Variants in MAP3K20 observed in about 807,000 individuals in gnomAD.
MAP3K20 encodes mitogen-activated protein kinase kinase kinase 20.
In MAP3K20, 40 loss-of-function variants were observed where a neutral mutation model predicts 85.7. The observed-to-expected ratio is 0.47, with a 90% confidence interval of 0.36 to 0.61. The LOEUF (loss-of-function observed/expected upper bound fraction) is 0.61, where lower values mean the gene tolerates loss of function less well. Ranked by LOEUF, MAP3K20 falls within the 20% of genes least tolerant of loss-of-function variation. The pLI is 0.00. For synonymous variants in MAP3K20, 325 were observed against 327.7 expected (o/e 0.99, Z 0.09); for missense variants, 817 against 961.7 (o/e 0.85, Z 1.99).
intron 14 of MAP3K20, 104 bp from the exon 15 acceptor site, chr2:173,238,269 T>G: frequency 1.1e-6 from 1 of 947,986 alleles, no homozygotes; most frequent in Non-Finnish European, 1.6e-6. Context: ...CCAAGATATT[T>G]TATGAACTAG....
At chr2:173,146,382 ATATG>A (rs1264310390) in intron 2 of MAP3K20, among the ~76,000 whole-genome samples, 2 of 152,166 alleles carry the variant, frequency 1.3e-5, no homozygotes, top group Non-Finnish European at 2.9e-5. Flanking sequence ...TTTTATTCAT[ATATG>A]TAATACTGAA....
chr2:173,083,100 C>G (rs1305459893), intron 1 of MAP3K20, among the ~76,000 whole-genome samples: 8 of 152,188 alleles, frequency 5.3e-5, no homozygotes, highest in Non-Finnish European at 2.9e-5. Flanking sequence ...TAGAGAGTTA[C>G]ATTACTTTTA....
chr2:173,099,294 G>C (rs1308566402), intron 2 of MAP3K20, among the ~76,000 whole-genome samples: 1 of 132,160 alleles, frequency 7.6e-6, no homozygotes, highest in African/African-American at 3.1e-5. Context: ...CCTTCCTTCT[G>C]TTGTTTTTGT....
chr2:173,109,053 T>C (rs1418176684), intron 2 of MAP3K20, among the ~76,000 whole-genome samples: 1 of 152,236 alleles, frequency 6.6e-6, no homozygotes, highest in Non-Finnish European at 1.5e-5. Context: ...TCTCCTAGAA[T>C]GTCATTGATG....
At chr2:173,076,055 G>A (rs1271427443) in intron 1 of MAP3K20, 53 bp downstream of exon 1, 14 of 976,950 alleles carry the variant, frequency 1.4e-5, no homozygotes, top group African/African-American at 1.8e-5. Context: ...GGCGAGGCCC[G>A]CCGCGCTCGC....
At chr2:173,172,723 A>G (rs1262356882) in intron 3 of MAP3K20, among the ~76,000 whole-genome samples, 4 of 152,152 alleles carry the variant, frequency 2.6e-5, no homozygotes, top group Admixed American at 6.5e-5. Flanking sequence ...TCCCAGATCT[A>G]CAAAGAAATG....
intron 16 of MAP3K20, among the ~76,000 whole-genome samples, chr2:173,247,888 C>T (rs1438392067): frequency 6.6e-6 from 1 of 152,032 alleles, no homozygotes; most frequent in East Asian, 1.9e-4. Context: ...TTTACTGGGG[C>T]CTATGCTCAA....
At chr2:173,128,921 C>CTTTTT (rs386391866) in intron 2 of MAP3K20, among the ~76,000 whole-genome samples, 78 of 116,090 alleles carry the variant, frequency 6.7e-4, no homozygotes, top group Non-Finnish European at 7.8e-4. Flanking sequence ...GAAATCTTTT[C>CTTTTT]TTTTTTTTTT....
intron 11 of MAP3K20, 50 bp downstream of exon 11, chr2:173,217,300 G>A (rs1430424580): frequency 2.1e-6 from 3 of 1,429,146 alleles, no homozygotes; most frequent in African/African-American, 1.4e-5. Context: ...TCTAGGCTGC[G>A]CAGCTGAGCA....
At chr2:173,178,245 T>G (rs1049146649) in intron 3 of MAP3K20, among the ~76,000 whole-genome samples, 1 of 152,234 alleles carries the variant, frequency 6.6e-6, no homozygotes, top group African/African-American at 2.4e-5. Context: ...AGAAATGTTA[T>G]GACAGTCTTT....
intron 2 of MAP3K20, 138 bp from the exon 3 acceptor site, chr2:173,169,667 C>T: frequency 1.3e-6 from 1 of 774,358 alleles, no homozygotes; most frequent in Non-Finnish European, 2.0e-6. Context: ...CTGCAGTGAG[C>T]CAAGATCACA....
chr2:173,131,679 CAT>C (rs138851284), intron 2 of MAP3K20, among the ~76,000 whole-genome samples: 417 of 152,228 alleles, frequency 2.7e-3, no homozygotes, highest in Non-Finnish European at 4.6e-3. Context: ...TTCAGAAAAT[CAT>C]GTGTAGAAAT....
At chr2:173,135,780 C>G (rs964859407) in intron 2 of MAP3K20, among the ~76,000 whole-genome samples, 4 of 152,160 alleles carry the variant, frequency 2.6e-5, no homozygotes, top group Admixed American at 1.3e-4. Context: ...CATTATCACT[C>G]TAGACAATTT....
chr2:173,083,754 T>C (rs1469034133), intron 1 of MAP3K20, among the ~76,000 whole-genome samples: 1 of 152,226 alleles, frequency 6.6e-6, no homozygotes, highest in Non-Finnish European at 1.5e-5. Flanking sequence ...CACTGATCTA[T>C]GTTAAAGAGG....
intron 1 of MAP3K20, among the ~76,000 whole-genome samples, chr2:173,082,602 A>C (rs1355505147): frequency 6.6e-6 from 1 of 152,184 alleles, no homozygotes. Context: ...TAGCGAACTG[A>C]AGTGAGCCTT....
intron 3 of MAP3K20, among the ~76,000 whole-genome samples, chr2:173,178,153 A>C (rs966994524): frequency 2.6e-5 from 4 of 152,306 alleles, no homozygotes; most frequent in Non-Finnish European, 2.9e-5. Context: ...ATCAAGAAAA[A>C]AGAGAAGATA....
chr2:173,186,185 C>A (rs565630908), intron 4 of MAP3K20, among the ~76,000 whole-genome samples: 63 of 152,016 alleles, frequency 4.1e-4, no homozygotes, highest in Non-Finnish European at 8.1e-4. Flanking sequence ...TTTTTGAAAT[C>A]CTTACTTGTC....
chr2:173,075,955 G>C lies in MAP3K20; in HGVS notation c.-82G>C. The C allele has an allele frequency of 1.0e-6, 1 of 985,152 alleles. No individual in the cohort carries two copies. The highest frequency in any genetic ancestry group is 1.2e-6 in the Non-Finnish European group (1 of 829,902). 61.0% of individuals were successfully genotyped at this position (985,152 alleles called of 1,614,324 possible). A position where few individuals can be genotyped will look rare whatever the true frequency, so the allele number is the denominator to read the frequency against. On this transcript the variant is annotated 5_prime_UTR_variant, in exon 1 of 20. Coordinates refer to ENST00000375213, the MANE Select transcript of MAP3K20 (RefSeq NM_016653.3). ...AACCCCCGCCGCCCTCGTCGCGCGC[G>C]GGGCCTCCGCGCCCCCGGCTGCTGC...
At chr2:173,152,069 T>A (rs1427574543) in intron 2 of MAP3K20, among the ~76,000 whole-genome samples, 4 of 152,316 alleles carry the variant, frequency 2.6e-5, no homozygotes, top group African/African-American at 9.6e-5. Context: ...AGCCCATGAT[T>A]TTTTATCTCC....
Sources: gnomAD v4.1 joint callset for allele counts (sites outside exome capture counted in the v4.1 genomes callset) on GRCh38, gnomAD v4.1.1 for gene constraint, MANE v1.5 for transcripts, NCBI Gene and HGNC (gene_info 2026-07-23, HGNC 2026-07-21) for gene names.